The following DLC1 variants were observed in gnomAD, a reference collection of about 807,000 sequenced individuals.
DLC1 encodes rho GTPase-activating protein 7.
DLC1 carries 54 observed loss-of-function variants against 140.3 expected under a neutral mutation model. The observed-to-expected ratio is 0.38, with a 90% CI of 0.31 to 0.48. The LOEUF (loss-of-function observed/expected upper bound fraction) is 0.48. Ranked by LOEUF, DLC1 falls within the 20% of genes least tolerant of loss-of-function variation. The pLI, the probability that DLC1 is intolerant of heterozygous loss-of-function variation, is 0.96. For missense variants in DLC1, 2,536 were observed against 1,907.0 expected (o/e 1.33, Z -6.14); for synonymous variants, 986 against 728.1 (o/e 1.35, Z -5.70).
intron 5 of DLC1, among the ~76,000 whole-genome samples, chr8:13,211,341 C>T (rs73196146): frequency 6.6e-6 from 1 of 151,914 alleles, no homozygotes; most frequent in Non-Finnish European, 1.5e-5. Context: ...TATGGAGCAC[C>T]GTTTTGCTGT....
intron 3 of DLC1, among the ~76,000 whole-genome samples, chr8:13,394,828 C>G (rs1836944949): frequency 6.6e-6 from 1 of 152,112 alleles, no homozygotes; most frequent in Admixed American, 6.5e-5. Flanking sequence ...TCTTTCTTGT[C>G]CCTTGTCCCA....
chr8:13,264,964 A>G (rs939133432), intron 5 of DLC1, among the ~76,000 whole-genome samples: 2 of 152,228 alleles, frequency 1.3e-5, no homozygotes, highest in Non-Finnish European at 2.9e-5. Flanking sequence ...ATTAGTACAT[A>G]CTTCAGTCTT....
At chr8:13,211,587 A>C (rs1428870999) in intron 5 of DLC1, among the ~76,000 whole-genome samples, 1 of 152,134 alleles carries the variant, frequency 6.6e-6, no homozygotes, top group Non-Finnish European at 1.5e-5. Context: ...GGAACTTTTG[A>C]GGTAAATATT....
At chr8:13,600,664 A>C (rs1194411473) in intron 1 of DLC1, among the ~76,000 whole-genome samples, 6 of 151,876 alleles carry the variant, frequency 4.0e-5, no homozygotes. Flanking sequence ...ATTTTATTTT[A>C]GTTTGATGCC....
intron 5 of DLC1, among the ~76,000 whole-genome samples, chr8:13,299,205 G>A (rs1218062770): frequency 6.6e-6 from 1 of 152,032 alleles, no homozygotes; most frequent in East Asian, 1.9e-4. Flanking sequence ...CACTTTGGGA[G>A]GCCAAGGCGG....
chr8:13,562,720 A>G (rs1804285513), intron 1 of DLC1, among the ~76,000 whole-genome samples: 1 of 152,182 alleles, frequency 6.6e-6, no homozygotes, highest in African/African-American at 2.4e-5. Flanking sequence ...CCTAAAATTC[A>G]TCTTGAAAAT....
intron 2 of DLC1, among the ~76,000 whole-genome samples, chr8:13,432,047 A>G (rs1251595275): frequency 6.6e-6 from 1 of 152,226 alleles, no homozygotes; most frequent in Non-Finnish European, 1.5e-5. Flanking sequence ...TCCTGTTGAA[A>G]AGAAGAAAAT....
chr8:13,115,566 A>C lies in DLC1; in HGVS notation c.1420+20T>G. On this transcript the variant is annotated intron_variant, in intron 6 of 17. Transcript: ENST00000276297. ...GATTATGATTATGCCAACTTTTAAA[A>C]AGTGGCATTCCCAGCTTACCTTCAT... is the stretch of plus-strand genomic sequence containing the variant. 6.2e-7 allele frequency: 1 copy of C among 1,609,338 alleles called. No homozygotes were observed. The highest frequency in any genetic ancestry group is 8.5e-7 in the Non-Finnish European group (1 of 1,177,674).
At chr8:13,086,107 AC>A in intron 17 of DLC1, 176 bp from the exon 18 acceptor site, 1 of 1,339,226 alleles carries the variant, frequency 7.5e-7, no homozygotes, top group Non-Finnish European at 9.9e-7. Flanking sequence ...TTCTAAGGGA[AC>A]CAAATTACGA....
At chr8:13,184,037 G>T (rs961868220) in intron 5 of DLC1, among the ~76,000 whole-genome samples, 53 of 152,144 alleles carry the variant, frequency 3.5e-4, no homozygotes, top group African/African-American at 1.2e-3. Flanking sequence ...TCCCAGTTTA[G>T]TCTTTGGAGG....
intron 2 of DLC1, among the ~76,000 whole-genome samples, chr8:13,493,992 G>T (rs992971): frequency 0.84 from 128,527 of 152,160 alleles, 55,181 homozygotes; most frequent in Non-Finnish European, 0.94. Flanking sequence ...TTCCAGAGAT[G>T]TAAAGTACAG....
At chr8:13,134,330 G>A (rs1822391175) in intron 5 of DLC1, among the ~76,000 whole-genome samples, 1 of 152,222 alleles carries the variant, frequency 6.6e-6, no homozygotes, top group Admixed American at 6.5e-5. Context: ...AATACAGAAA[G>A]AGCATTTACT....
intron 5 of DLC1, among the ~76,000 whole-genome samples, chr8:13,132,662 C>T (rs575987938): frequency 1.3e-5 from 2 of 152,274 alleles, no homozygotes; most frequent in South Asian, 4.1e-4. Flanking sequence ...CTTCCCTTCA[C>T]GGGTTGCGAC....
At chr8:13,175,303 CT>C (rs34107011) in intron 5 of DLC1, among the ~76,000 whole-genome samples, 82,550 of 131,542 alleles carry the variant, frequency 0.63, 25,123 homozygotes, top group East Asian at 0.83. Context: ...ATGCCTCCAG[CT>C]TTTTTTTTTT....
At chr8:13,352,592 G>T (rs1177626183) in intron 4 of DLC1, among the ~76,000 whole-genome samples, 1 of 152,072 alleles carries the variant, frequency 6.6e-6, no homozygotes, top group East Asian at 1.9e-4. Flanking sequence ...TGTTGCCCAG[G>T]CTGGCCTCAA....
At chr8:13,412,918 C>A (rs1395371187) in intron 2 of DLC1, among the ~76,000 whole-genome samples, 8 of 115,538 alleles carry the variant, frequency 6.9e-5, no homozygotes, top group Non-Finnish European at 1.2e-4. Flanking sequence ...GGCGACAGAG[C>A]GAGACTCCAT....
intron 5 of DLC1, among the ~76,000 whole-genome samples, chr8:13,300,673 C>G (rs1832155043): frequency 6.6e-6 from 1 of 152,042 alleles, no homozygotes. Context: ...TGTATCCGGT[C>G]CAGTGAATGA....
chr8:13,394,672 G>T (rs922628298), intron 3 of DLC1, among the ~76,000 whole-genome samples: 2 of 152,088 alleles, frequency 1.3e-5, no homozygotes, highest in East Asian at 3.8e-4. Context: ...CAACTTTGCC[G>T]TGGTTCACAT....
At chr8:13,295,258 T>A (rs1013339975) in intron 5 of DLC1, among the ~76,000 whole-genome samples, 1 of 152,200 alleles carries the variant, frequency 6.6e-6, no homozygotes, top group Non-Finnish European at 1.5e-5. Flanking sequence ...CATTAGCAGG[T>A]GTGAGTCACA....
Sources: gnomAD v4.1 joint callset for allele counts (sites outside exome capture counted in the v4.1 genomes callset) on GRCh38, gnomAD v4.1.1 for gene constraint, MANE v1.5 for transcripts, NCBI Gene and HGNC (gene_info 2026-07-23, HGNC 2026-07-21) for gene names.